Variants in KL observed in about 807,000 individuals in gnomAD.
KL encodes alpha-klotho.
In KL, 62 loss-of-function variants were observed where a neutral mutation model predicts 84.2. The observed-to-expected ratio is 0.74, with a 90% CI of 0.60 to 0.91. The LOEUF (loss-of-function observed/expected upper bound fraction) is 0.91. KL is among the 40% of genes least tolerant of loss of function. KL has a pLI of 0.00. For missense variants in KL, 1,261 were observed against 1,305.7 expected, an observed-to-expected ratio of 0.97 and a Z score of 0.53; for synonymous variants, 528 against 528.0, an observed-to-expected ratio of 1.00 and a Z score of 0.00.
intron 1 of KL, among the ~76,000 whole-genome samples, chr13:33,035,983 T>G (rs1032940706): frequency 6.6e-6 from 1 of 152,208 alleles, no homozygotes; most frequent in Non-Finnish European, 1.5e-5. Context: ...AAATAAGCCC[T>G]TTATTGTCAC....
Position 33,060,956 on chromosome 13 carries a change from T to A in KL, c.1877T>A (p.Leu626His). ...TACTATCGCTGCATGGCCAGCGAGC[T>A]TGTCCGTGTCAACATCACCCCAGTG... ...LQYYRCMASE[L>H]VRVNITPVVA... is the part of the protein sequence containing the mutation. Residue 626 changes from leucine (L) to histidine (H), a missense_variant, in exon 4 of 5, where the codon CTT (leucine) becomes CAT (histidine). By Grantham distance (99) the Leu-to-His change is moderately conservative (BLOSUM62 -3). Coordinates refer to ENST00000380099, the MANE Select transcript of KL (RefSeq NM_004795.4). 3 of 1,611,556 alleles carry A rather than the reference T, an allele frequency of 1.9e-6. No individual in the cohort carries two copies. Among genetic ancestry groups the A allele is most frequent in the Non-Finnish European group, 2.5e-6 (3 of 1,177,946 alleles).
In KL at chr13:33,061,012, C is replaced by G. The variant is rs751157280; in HGVS notation, c.1933C>G (p.Gln645Glu). ...CCTGTGGCAGCCTATGGCCCCGAACCAAGGACTGCCGCGCCTCCTGGCCAG... is the reference window on the plus strand; with the variant it reads ...CCTGTGGCAGCCTATGGCCCCGAACGAAGGACTGCCGCGCCTCCTGGCCAG... ...VALWQPMAPN[Q>E]GLPRLLARQG... Residue 645 changes from glutamine (Q) to glutamate (E), a missense_variant, in exon 4 of 5, where the codon CAA (glutamine) becomes GAA (glutamate). By Grantham distance (29) the Gln-to-Glu change is conservative. Transcript: ENST00000380099. 5 of 1,612,892 alleles carry G rather than the reference C, an allele frequency of 3.1e-6. No homozygotes were observed. The Admixed American group carries it at 8.3e-5, about 27-fold the overall frequency.
intron 1 of KL, among the ~76,000 whole-genome samples, chr13:33,025,205 C>T (rs921031169): frequency 2.6e-5 from 4 of 152,068 alleles, no homozygotes; most frequent in African/African-American, 2.4e-5. Flanking sequence ...GATAGGTTAG[C>T]GTTTTGGGGA....
At chr13:33,017,992 A>G (rs910424032) in intron 1 of KL, among the ~76,000 whole-genome samples, 4 of 152,250 alleles carry the variant, frequency 2.6e-5, no homozygotes, top group Non-Finnish European at 5.9e-5. Context: ...TGTTAGCCTG[A>G]TAAAATTAAT....
rs1279960640 is a variant in KL, at chr13:33,016,668, C to A, written c.228C>A (p.Thr76=). The change falls in exon 1 of 5, where the codon ACC becomes ACA. Residue 76 remains threonine (T), a synonymous_variant. Transcript: ENST00000380099. ...LWAVGSAAYQ[T]EGGWQQHGKG... ...CCGTGGGCAGCGCCGCCTACCAGAC[C>A]GAGGGCGGCTGGCAGCAGCACGGCA... 2 of 1,592,922 alleles carry A rather than the reference C, an allele frequency of 1.3e-6. No individual in the cohort carries two copies. Among genetic ancestry groups the A allele is most frequent in the East Asian group, 4.6e-5 (2 of 43,684 alleles).
intron 1 of KL, among the ~76,000 whole-genome samples, chr13:33,051,393 A>G (rs1871745583): frequency 6.6e-6 from 1 of 152,090 alleles, no homozygotes; most frequent in African/African-American, 2.4e-5. Flanking sequence ...TAAAAAAGAA[A>G]TTAGCCAGGT....
intron 1 of KL, among the ~76,000 whole-genome samples, chr13:33,019,457 T>C (rs956132425): frequency 1.3e-5 from 2 of 152,114 alleles, no homozygotes; most frequent in Admixed American, 6.5e-5. Context: ...CTGATGTTGG[T>C]GAAGGATAAA....
intron 3 of KL, among the ~76,000 whole-genome samples, chr13:33,058,087 G>A (rs947368415): frequency 6.6e-6 from 1 of 152,068 alleles, no homozygotes. Context: ...CGGCTGAGAG[G>A]TTTGTTTTCC....
chr13:33,055,064 G>A lies in KL; in HGVS notation c.1348G>A (p.Val450Met). 2.5e-6 allele frequency: 4 copies of A among 1,614,192 alleles called. No homozygotes were observed. The highest frequency in any genetic ancestry group is 1.1e-5 in the South Asian group (1 of 91,080). Residue 450 changes from valine to methionine, a missense_variant, in exon 3 of 5, where the codon GTG becomes ATG. Transcript: ENST00000380099. Reference protein sequence around the residue: ...ETLKAIKLDGVDVIGYTAWSL... With the variant: ...ETLKAIKLDGMDVIGYTAWSL... Reference sequence around the variant, plus strand: ...CTTTGCAGCCATCAAGCTGGATGGGGTGGATGTCATCGGGTATACCGCATG... The same window carrying A: ...CTTTGCAGCCATCAAGCTGGATGGGATGGATGTCATCGGGTATACCGCATG...
intron 1 of KL, among the ~76,000 whole-genome samples, chr13:33,033,463 T>G (rs2138204100): frequency 6.6e-6 from 1 of 152,326 alleles, no homozygotes; most frequent in South Asian, 2.1e-4. Flanking sequence ...CAACTCTGAC[T>G]CCTGCCCCGC....
rs1296522759 is a variant in KL, at chr13:33,016,636, C to T, written c.196C>T (p.Leu66Phe). 1.3e-6 allele frequency: 2 copies of T among 1,571,142 alleles called. No homozygotes were observed. Among genetic ancestry groups the T allele is most frequent in the Non-Finnish European group, 1.7e-6 (2 of 1,158,544 alleles). Residue 66 changes from leucine (L) to phenylalanine (F), a missense_variant, in exon 1 of 5, where the codon CTC becomes TTC. Physicochemically the swap from Leu to Phe is conservative, Grantham distance 22. Coordinates refer to ENST00000380099, the MANE Select transcript of KL (RefSeq NM_004795.4). ...LFQGTFPDGF[L>F]WAVGSAAYQT... ...CCAGGGCACCTTCCCCGACGGCTTC[C>T]TCTGGGCCGTGGGCAGCGCCGCCTA... is the stretch of plus-strand genomic sequence containing the variant.
chr13:33,051,095 A>C (rs1871730827), intron 1 of KL, among the ~76,000 whole-genome samples: 1 of 152,214 alleles, frequency 6.6e-6, no homozygotes, highest in Non-Finnish European at 1.5e-5. Flanking sequence ...TAGAGAGAGA[A>C]GGGATACGCA....
At chr13:33,034,305 C>T (rs1312782600) in intron 1 of KL, among the ~76,000 whole-genome samples, 4 of 152,230 alleles carry the variant, frequency 2.6e-5, no homozygotes, top group Non-Finnish European at 4.4e-5. Flanking sequence ...CTCCTATCCT[C>T]ATTCTCTGGG....
At position 33,064,075 on chromosome 13, in the gene KL, T is replaced by A; in HGVS notation, c.2928T>A (p.Phe976Leu). The A allele has an allele frequency of 6.2e-7, 1 of 1,614,190 alleles. No homozygotes were observed. Among genetic ancestry groups the A allele is most frequent in the Non-Finnish European group, 8.5e-7 (1 of 1,180,016 alleles). ...EFTVCTECSFFHTRKSLLAFI... is the reference protein window; with the variant it reads ...EFTVCTECSFLHTRKSLLAFI... ...CCGTGTGTACTGAGTGCAGTTTTTT[T>A]CACACCCGAAAGTCTTTACTGGCTT... The change falls in exon 5 of 5, where the codon TTT becomes TTA. Residue 976 changes from phenylalanine to leucine, a missense_variant. Phe to Leu is a conservative substitution (Grantham distance 22). Transcript: ENST00000380099.
Position 33,039,967 on chromosome 13 carries a change from CA to C in KL, c.820-13797del, listed in dbSNP as rs1465272901. ...AACTTATTTGATTTGCTAAGAAGTC[CA>C]AAGCAGGTAGGGGTGCCAAGCTGCT... On this transcript the variant is annotated intron_variant, in intron 1 of 4. Coordinates refer to ENST00000380099, the MANE Select transcript of KL (RefSeq NM_004795.4). Among the ~76,000 whole-genome samples the C allele has an allele frequency of 9.2e-5, 14 of 152,204 alleles. No individual in the cohort carries two copies. The East Asian group carries it at 2.7e-3, about 29-fold the overall frequency.
chr13:33,020,307 T>G (rs2138188425), intron 1 of KL, among the ~76,000 whole-genome samples: 1 of 152,298 alleles, frequency 6.6e-6, no homozygotes, highest in East Asian at 1.9e-4. Context: ...TCTCCCTTGC[T>G]TCTCCTCTCA....
At chr13:33,062,092 A>G (rs1414303476) in intron 4 of KL, among the ~76,000 whole-genome samples, 1 of 152,224 alleles carries the variant, frequency 6.6e-6, no homozygotes, top group Non-Finnish European at 1.5e-5. Flanking sequence ...ATAAAGATTT[A>G]ACCTTGCTGG....
At chr13:33,062,379 C>A (rs1178689388) in intron 4 of KL, among the ~76,000 whole-genome samples, 54 of 141,866 alleles carry the variant, frequency 3.8e-4, no homozygotes, top group Admixed American at 3.3e-3. Flanking sequence ...GACACTATTT[C>A]AAAAAAAAAA....
chr13:33,038,616 A>G (rs1249206221), intron 1 of KL, among the ~76,000 whole-genome samples: 1 of 152,224 alleles, frequency 6.6e-6, no homozygotes, highest in East Asian at 1.9e-4. Context: ...CCCAGTTACT[A>G]GACTTCCCAG....
Sources: gnomAD v4.1 joint callset for allele counts (sites outside exome capture counted in the v4.1 genomes callset) on GRCh38, gnomAD v4.1.1 for gene constraint, MANE v1.5 for transcripts, NCBI Gene and HGNC (gene_info 2026-07-23, HGNC 2026-07-21) for gene names.